PTPRA: variants seen among roughly 807,000 people sequenced by gnomAD.
PTPRA encodes protein tyrosine phosphatase receptor type A.
A neutral mutation model predicts 104.8 loss-of-function variants in PTPRA; 25 were observed. That is an observed-to-expected ratio of 0.24 (90% CI 0.17 to 0.33). The LOEUF is 0.33. PTPRA is among the 10% of genes least tolerant of loss of function. PTPRA has a pLI of 1.00. For missense variants in PTPRA, 765 were observed against 1,015.3 expected (o/e 0.75, Z 3.35); for synonymous variants, 323 against 368.9 (o/e 0.88, Z 1.43).
At chr20:2,979,403 CTT>C (rs963701670) in intron 6 of PTPRA, among the ~76,000 whole-genome samples, 1 of 152,204 alleles carries the variant, frequency 6.6e-6, no homozygotes, top group Non-Finnish European at 1.5e-5. Context: ...CAGTTCCTTT[CTT>C]TTCTATGCTG....
rs1210744163 is a variant in PTPRA at position 2,909,480 on chromosome 20, G to A, written c.-128-13727G>A. Among the ~76,000 whole-genome samples, 5 of 151,816 alleles carry A rather than the reference G, an allele frequency of 3.3e-5. No homozygotes were observed. The East Asian group carries it at 9.7e-4, about 29-fold the overall frequency. The stretch of plus-strand genomic sequence containing the variant: ...ACCTATAATCCCAGCTACTCGGGAG[G>A]CTGAGGCAGGAGAATTGCTTCAACC... On this transcript the variant is annotated intron_variant, in intron 1 of 23. Coordinates refer to ENST00000399903, the MANE Select transcript of PTPRA (RefSeq NM_001385305.1).
intron 8 of PTPRA, 54 bp downstream of exon 8, chr20:2,988,159 A>G (rs1197442315): frequency 1.3e-6 from 2 of 1,531,922 alleles, no homozygotes; most frequent in Non-Finnish European, 1.8e-6. Flanking sequence ...AAATCAAGAA[A>G]TTAGGAGTTT....
chr20:2,910,083 TATATATGATATATAACATATATATA>T (rs2059612446), intron 1 of PTPRA, among the ~76,000 whole-genome samples: 3 of 121,734 alleles, frequency 2.5e-5, no homozygotes, highest in Non-Finnish European at 4.8e-5. Context: ...TGATGTATAG[TATATATGATATATAACATATATATA>T]ATATATGATG....
chr20:3,025,377 C>T (rs890332094), intron 17 of PTPRA, among the ~76,000 whole-genome samples: 10 of 150,534 alleles, frequency 6.6e-5, no homozygotes, highest in Middle Eastern at 3.4e-3. Context: ...TGCTTGAACC[C>T]GGAAGGCAGA....
chr20:2,924,674 C>T (rs1027450533), intron 2 of PTPRA, among the ~76,000 whole-genome samples: 5 of 151,846 alleles, frequency 3.3e-5, no homozygotes, highest in Non-Finnish European at 5.9e-5. Flanking sequence ...TCTGCAGCAC[C>T]GAAAAGGTGT....
At chr20:2,877,522 G>A (rs1413371144) in intron 1 of PTPRA, among the ~76,000 whole-genome samples, 1 of 152,178 alleles carries the variant, frequency 6.6e-6, no homozygotes, top group Admixed American at 6.5e-5. Flanking sequence ...GCCTCCCAAA[G>A]TCCTGGGATT....
intron 1 of PTPRA, among the ~76,000 whole-genome samples, chr20:2,879,261 G>T (rs1036479850): frequency 6.6e-6 from 1 of 152,174 alleles, no homozygotes; most frequent in Non-Finnish European, 1.5e-5. Flanking sequence ...GCAGCGCTTC[G>T]CTAACTTGAA....
chr20:2,996,366 G>T (rs1011394402), intron 9 of PTPRA, among the ~76,000 whole-genome samples: 1 of 152,118 alleles, frequency 6.6e-6, no homozygotes, highest in African/African-American at 2.4e-5. Flanking sequence ...GGATCAGTCA[G>T]CCCTGGGAGA....
At chr20:2,934,472 C>T (rs2060619234) in intron 2 of PTPRA, among the ~76,000 whole-genome samples, 1 of 152,204 alleles carries the variant, frequency 6.6e-6, no homozygotes, top group South Asian at 2.1e-4. Context: ...ACCATTGCCA[C>T]ATATTATTGT....
chr20:2,940,322 C>CTT (rs59001573), intron 2 of PTPRA, among the ~76,000 whole-genome samples: 8 of 141,086 alleles, frequency 5.7e-5, no homozygotes, highest in African/African-American at 1.5e-4. Flanking sequence ...CTTTTCTTTT[C>CTT]TTTTTTTTTT....
chr20:2,988,212 A>G, intron 8 of PTPRA, 107 bp downstream of exon 8: 2 of 1,518,590 alleles, frequency 1.3e-6, no homozygotes, highest in Admixed American at 2.0e-5. Flanking sequence ...AGAGGAAAAA[A>G]GATTTTTGAA....
At chr20:2,988,209 A>G (rs888530583) in intron 8 of PTPRA, 104 bp downstream of exon 8, 2 of 1,520,846 alleles carry the variant, frequency 1.3e-6, no homozygotes, top group African/African-American at 2.8e-5. Context: ...AAAAGAGGAA[A>G]AAAGATTTTT....
At chr20:2,966,963 GA>G (rs1391361461) in intron 5 of PTPRA, among the ~76,000 whole-genome samples, 2 of 152,212 alleles carry the variant, frequency 1.3e-5, no homozygotes, top group East Asian at 3.8e-4. Flanking sequence ...TGAGTGAATG[GA>G]AAAGGTGGAG....
chr20:2,866,161 C>A, the PTPRA span: 1 of 1,532,736 alleles, frequency 6.5e-7, no homozygotes, highest in Non-Finnish European at 9.0e-7. Flanking sequence ...AGAGAGAGGA[C>A]AGGAGGGCTG....
intron 1 of PTPRA, among the ~76,000 whole-genome samples, chr20:2,875,786 G>T (rs1045027446): frequency 6.6e-6 from 1 of 152,162 alleles, no homozygotes; most frequent in Admixed American, 6.5e-5. Context: ...GTCAAGATTT[G>T]AATTTTGGCC....
intron 2 of PTPRA, among the ~76,000 whole-genome samples, chr20:2,938,547 T>C (rs1010148282): frequency 6.6e-6 from 1 of 152,110 alleles, no homozygotes; most frequent in African/African-American, 2.4e-5. Context: ...ATTCTCTTAC[T>C]CTTGGGACCC....
chr20:2,969,918 C>T (rs761430571), intron 5 of PTPRA, among the ~76,000 whole-genome samples: 48 of 151,696 alleles, frequency 3.2e-4, no homozygotes, highest in Non-Finnish European at 2.9e-4. Context: ...TGCAGTGAGC[C>T]GAGATTGCGC....
intron 8 of PTPRA, 38 bp downstream of exon 8, chr20:2,988,143 G>A (rs2062986858): frequency 6.5e-7 from 1 of 1,538,116 alleles, no homozygotes; most frequent in Non-Finnish European, 9.0e-7. Context: ...ACCTTCACAA[G>A]GAAGGAAATC....
chr20:2,889,947 A>T (rs917675829), intron 1 of PTPRA, among the ~76,000 whole-genome samples: 1 of 152,072 alleles, frequency 6.6e-6, no homozygotes, highest in African/African-American at 2.4e-5. Context: ...GCAGTGGTGC[A>T]ATCATGGCTC....
Sources: gnomAD v4.1 joint callset for allele counts (sites outside exome capture counted in the v4.1 genomes callset) on GRCh38, gnomAD v4.1.1 for gene constraint, MANE v1.5 for transcripts, NCBI Gene and HGNC (gene_info 2026-07-23, HGNC 2026-07-21) for gene names.